The following DNAH9 variants were observed in gnomAD, a reference collection of about 807,000 sequenced individuals.
The protein encoded by DNAH9 is dynein axonemal heavy chain 9.
In DNAH9, 345 loss-of-function variants were observed where a neutral mutation model predicts 471.6. The observed-to-expected ratio is 0.73, with a 90% CI of 0.67 to 0.80. The LOEUF (loss-of-function observed/expected upper bound fraction) is 0.80. Among genes scored for constraint, DNAH9 ranks in the 30% least tolerant of loss-of-function variants. The probability of loss-of-function intolerance (pLI) is 0.00; values close to 1 mark genes in which losing one functional copy is unlikely to be tolerated. For synonymous variants in DNAH9, 2,093 were observed against 2,123.6 expected, an observed-to-expected ratio of 0.99 and a Z score of 0.40; for missense variants, 5,407 against 5,609.2, an observed-to-expected ratio of 0.96 and a Z score of 1.15.
intron 38 of DNAH9, among the ~76,000 whole-genome samples, chr17:11,775,288 GA>G (rs1968375245): frequency 6.6e-6 from 1 of 152,150 alleles, no homozygotes; most frequent in East Asian, 1.9e-4. Flanking sequence ...TTTGTAAATG[GA>G]AGCTGTTATT....
chr17:11,960,210 T>C (rs1364528109), intron 67 of DNAH9, among the ~76,000 whole-genome samples: 1 of 151,384 alleles, frequency 6.6e-6, no homozygotes, highest in Non-Finnish European at 1.5e-5. Context: ...CCAAGGCGGG[T>C]GGATCACCTG....
chr17:11,598,597 C>T lies in DNAH9; in HGVS notation c.99C>T (p.Ala33=), dbSNP rs1350321384. 3.0e-6 allele frequency: 4 copies of T among 1,337,224 alleles called. No homozygotes were observed. Among genetic ancestry groups the T allele is most frequent in the African/African-American group, 1.5e-5 (1 of 65,056 alleles). The allele number at this position is 1,337,224 out of a possible 1,614,324, so 82.8% of individuals were successfully genotyped here. ...TGCGACTCCTGGGGACCTACGTGGCCATGAGCCTGCGGCCGGCTGCGGGCG... is the reference window on the plus strand; with the variant it reads ...TGCGACTCCTGGGGACCTACGTGGCTATGAGCCTGCGGCCGGCTGCGGGCG... The part of the protein sequence containing the change: ...RRLRLLGTYV[A]MSLRPAAGAW... Residue 33 remains alanine (A), a synonymous_variant, in exon 1 of 69, where the codon GCC becomes GCT. Coordinates refer to ENST00000262442, the MANE Select transcript of DNAH9 (RefSeq NM_001372.4).
chr17:11,755,030 C>T (rs1379671604), intron 33 of DNAH9, among the ~76,000 whole-genome samples: 1 of 152,210 alleles, frequency 6.6e-6, no homozygotes, highest in Non-Finnish European at 1.5e-5. Flanking sequence ...GCGCCAGTTT[C>T]AGTCTTCCAC....
intron 52 of DNAH9, among the ~76,000 whole-genome samples, chr17:11,873,268 T>C (rs1972351947): frequency 6.6e-6 from 1 of 152,244 alleles, no homozygotes; most frequent in Non-Finnish European, 1.5e-5. Context: ...TGGCTTTGTT[T>C]GGATTCTTAA....
At chr17:11,770,146 A>G (rs926080612) in intron 38 of DNAH9, among the ~76,000 whole-genome samples, 1 of 152,166 alleles carries the variant, frequency 6.6e-6, no homozygotes, top group African/African-American at 2.4e-5. Flanking sequence ...TTGCAGCTGG[A>G]TAAGTTAGGA....
chr17:11,877,598 C>A (rs1044514966), intron 53 of DNAH9, among the ~76,000 whole-genome samples: 1 of 151,146 alleles, frequency 6.6e-6, no homozygotes, highest in Non-Finnish European at 1.5e-5. Flanking sequence ...AGCTTTGTTG[C>A]TCTGGCCACG....
chr17:11,890,009 AAG>A (rs1417664601), intron 57 of DNAH9, among the ~76,000 whole-genome samples: 1 of 152,228 alleles, frequency 6.6e-6, no homozygotes, highest in Admixed American at 6.5e-5. Context: ...AGAAAAGAAA[AAG>A]AGAGCAAAAT....
chr17:11,726,075 G>A (rs1488515008), intron 27 of DNAH9, among the ~76,000 whole-genome samples: 2 of 151,888 alleles, frequency 1.3e-5, no homozygotes, highest in African/African-American at 4.8e-5. Context: ...ATTTTTCTCT[G>A]CACATATCAT....
Position 11,786,646 on chromosome 17 carries a change from C to T in DNAH9, c.8061+2107C>T, listed in dbSNP as rs117035310. Among the ~76,000 whole-genome samples the T allele has an allele frequency of 7.1e-3, 1,078 of 152,284 alleles. 8 individuals are homozygous for T. Among genetic ancestry groups the T allele is most frequent in the Non-Finnish European group, 0.01 (685 of 68,026 alleles). ...AGTCTCTTGAGCGTGACTGCATGATCGCATAATGGTAAGCAGCAGCATTGA... is the reference window on the plus strand; with the variant it reads ...AGTCTCTTGAGCGTGACTGCATGATTGCATAATGGTAAGCAGCAGCATTGA... On this transcript the variant is annotated intron_variant, in intron 41 of 68. Transcript: ENST00000262442.
Position 11,645,702 on chromosome 17 carries a change from A to G in DNAH9, c.1970+1003A>G, listed in dbSNP as rs117843269. Among the ~76,000 whole-genome samples the G allele has an allele frequency of 3.0e-4, 45 of 151,924 alleles. No individual in the cohort carries two copies. In the East Asian group the frequency reaches 8.5e-3, roughly 29 times the overall value. ...TTTCTCACCTCTACCCTTTGGCTAC[A>G]CCAGGAATGCTCACTCTCCCTTTGC... On this transcript the variant is annotated intron_variant, in intron 11 of 68. Coordinates refer to ENST00000262442, the MANE Select transcript of DNAH9 (RefSeq NM_001372.4).
chr17:11,936,630 A>G (rs1974722262), intron 65 of DNAH9, among the ~76,000 whole-genome samples: 1 of 152,096 alleles, frequency 6.6e-6, no homozygotes, highest in African/African-American at 2.4e-5. Context: ...CAGCAGAGTG[A>G]GAGCCTGTCT....
chr17:11,865,410 C>A (rs1972008940), intron 50 of DNAH9, among the ~76,000 whole-genome samples: 1 of 152,006 alleles, frequency 6.6e-6, no homozygotes, highest in African/African-American at 2.4e-5. Flanking sequence ...GATGGGCTTC[C>A]CTTTGTGGGT....
Position 11,807,590 on chromosome 17 carries a change from G to A in DNAH9, c.8421-142G>A, listed in dbSNP as rs1969737169. Reference sequence around the variant, plus strand: ...GGCAAGAAGGTGAGGCCAGGTTTAGGGACAATCTAATAAACGTTTCCCACA... The same window carrying A: ...GGCAAGAAGGTGAGGCCAGGTTTAGAGACAATCTAATAAACGTTTCCCACA... On this transcript the variant is annotated intron_variant, in intron 43 of 68. Coordinates refer to ENST00000262442, the MANE Select transcript of DNAH9 (RefSeq NM_001372.4). 3.3e-6 allele frequency: 3 copies of A among 906,656 alleles called. No individual in the cohort carries two copies. The South Asian group carries it at 5.6e-5, about 17-fold the overall frequency. The allele number at this position is 906,656 out of a possible 1,614,324, so 56.2% of individuals were successfully genotyped here.
chr17:11,897,960 A>G (rs1287201976), intron 59 of DNAH9, among the ~76,000 whole-genome samples: 2 of 152,164 alleles, frequency 1.3e-5, no homozygotes, highest in African/African-American at 2.4e-5. Flanking sequence ...CAGAGGCTCT[A>G]GGGAAGGATG....
chr17:11,756,082 C>T (rs757011130), intron 33 of DNAH9, among the ~76,000 whole-genome samples: 2 of 151,952 alleles, frequency 1.3e-5, no homozygotes, highest in Non-Finnish European at 2.9e-5. Context: ...CAAGACCATC[C>T]CTGGCTAACA....
rs2074072380 is a variant in DNAH9, at chr17:11,677,868, T to C, written c.3354-1889T>C. On this transcript the variant is annotated intron_variant, in intron 17 of 68. Transcript: ENST00000262442. ...TAAGCATCCTTAAAATAAGTAAATT[T>C]ATTACTATTTTTAGTCTCTTCACAA... Among the ~76,000 whole-genome samples, 3 of 152,134 alleles carry C rather than the reference T, an allele frequency of 2.0e-5. No homozygotes were observed. The South Asian group carries it at 6.2e-4, about 32-fold the overall frequency.
chr17:11,885,319 A>C (rs1281254551), intron 56 of DNAH9, among the ~76,000 whole-genome samples: 1 of 152,194 alleles, frequency 6.6e-6, no homozygotes, highest in Non-Finnish European at 1.5e-5. Context: ...ACTGGAACAT[A>C]GAGGGGGTGG....
At chr17:11,636,897 G>C (rs2073177243) in intron 9 of DNAH9, 113 bp downstream of exon 9, 1 of 991,808 alleles carries the variant, frequency 1.0e-6, no homozygotes, top group Non-Finnish European at 1.5e-6. Flanking sequence ...TCTCAAAAAA[G>C]AGCAAGCACA....
At position 11,798,432 on chromosome 17, in the gene DNAH9, CAAAAAAAA is replaced by C. The variant is rs71142247; in HGVS notation, c.8420+658_8420+665del. ...TGGGCGACAGAGCAAGACTCTGCCT[CAAAAAAAA>C]AAAAAAAAAAAAAAAAAAGAGAGAG... On this transcript the variant is annotated intron_variant, in intron 43 of 68. Coordinates refer to ENST00000262442, the MANE Select transcript of DNAH9 (RefSeq NM_001372.4). 1.0e-3 allele frequency among the ~76,000 whole-genome samples: 63 copies of C among 61,616 alleles called. 1 individual carries two copies. Among genetic ancestry groups the C allele is most frequent in the East Asian group, 2.8e-3 (5 of 1,780 alleles). 40.4% of individuals were successfully genotyped at this position (61,616 alleles called of 152,430 possible).
Sources: allele counts gnomAD v4.1 joint callset (sites outside exome capture counted in the v4.1 genomes callset), GRCh38; gene constraint gnomAD v4.1.1; transcripts MANE v1.5; gene names NCBI Gene and HGNC (gene_info 2026-07-23, HGNC 2026-07-21).